Variants in GPC3 observed in about 807,000 individuals in gnomAD.
GPC3 encodes the protein glypican 3.
GPC3 carries 3 observed loss-of-function variants against 34.4 expected under a neutral mutation model. That is an observed-to-expected ratio of 0.09 (90% CI 0.04 to 0.23). GPC3 has a LOEUF of 0.23. Among genes scored for constraint, GPC3 ranks in the 10% least tolerant of loss-of-function variants. The pLI is 1.00. For missense variants in GPC3, 351 were observed against 445.6 expected (o/e 0.79, Z 1.91); for synonymous variants, 177 against 174.0 (o/e 1.02, Z -0.13).
chrX:133,772,017 A>T (rs1359464362), intron 2 of GPC3, among the ~76,000 whole-genome samples: 2 of 111,642 alleles, frequency 1.8e-5, no homozygotes, highest in Non-Finnish European at 3.8e-5. Context: ...AGACGCTGAC[A>T]AATTCCAATA....
At chrX:133,955,319 C>T (rs930495487) in intron 1 of GPC3, among the ~76,000 whole-genome samples, 2 of 111,158 alleles carry the variant, frequency 1.8e-5, no homozygotes, top group East Asian at 2.8e-4. Context: ...TTTCTTAAAA[C>T]GGCACTGCAG....
chrX:133,874,295 T>C (rs2124577931), intron 2 of GPC3, among the ~76,000 whole-genome samples: 1 of 112,178 alleles, frequency 8.9e-6, no homozygotes, highest in African/African-American at 3.2e-5. Flanking sequence ...TCTGTTTGGT[T>C]TGACCAATAA....
At chrX:133,668,064 G>A (rs2070786388) in intron 5 of GPC3, among the ~76,000 whole-genome samples, 1 of 107,356 alleles carries the variant, frequency 9.3e-6, no homozygotes, top group Admixed American at 1.0e-4. Context: ...CACCACACCT[G>A]GCTAATTTTT....
intron 7 of GPC3, among the ~76,000 whole-genome samples, chrX:133,581,808 A>T (rs1265796064): frequency 8.9e-6 from 1 of 112,612 alleles, no homozygotes; most frequent in African/African-American, 3.2e-5. Flanking sequence ...ACTTCACTCC[A>T]TCAGTGATAG....
At chrX:133,845,979 G>C (rs1156418328) in intron 2 of GPC3, among the ~76,000 whole-genome samples, 1 of 111,627 alleles carries the variant, frequency 9.0e-6, no homozygotes, top group Non-Finnish European at 1.9e-5. Context: ...AGATGATGGT[G>C]GGAAAGAAGT....
chrX:133,659,750 C>T (rs1463677863), intron 6 of GPC3, among the ~76,000 whole-genome samples: 1 of 111,710 alleles, frequency 9.0e-6, no homozygotes, highest in Non-Finnish European at 1.9e-5. Context: ...CAATATTCCT[C>T]ATTTAGAATT....
intron 2 of GPC3, among the ~76,000 whole-genome samples, chrX:133,868,470 G>C (rs2124573234): frequency 8.9e-6 from 1 of 112,466 alleles, no homozygotes; most frequent in South Asian, 3.7e-4. Flanking sequence ...CTATGGGCAA[G>C]GCACTGGAAC....
intron 7 of GPC3, among the ~76,000 whole-genome samples, chrX:133,554,020 C>CT (rs375065106): frequency 7.6e-4 from 72 of 94,747 alleles, no homozygotes; most frequent in Middle Eastern, 5.2e-3. Context: ...CTCTCTCTCT[C>CT]TTTTTTTTTT....
intron 5 of GPC3, among the ~76,000 whole-genome samples, chrX:133,664,999 T>C (rs1376289318): frequency 9.0e-6 from 1 of 111,475 alleles, no homozygotes; most frequent in African/African-American, 3.3e-5. Flanking sequence ...CACATGGAAA[T>C]GCCTTGTTCT....
chrX:133,840,078 G>A (rs182529985), intron 2 of GPC3, among the ~76,000 whole-genome samples: 16 of 110,999 alleles, frequency 1.4e-4, no homozygotes, highest in East Asian at 1.1e-3. Context: ...ATTCTAGTTC[G>A]AGCTCTATCA....
At chrX:133,547,479 T>C (rs1325533698) in intron 7 of GPC3, among the ~76,000 whole-genome samples, 1 of 110,877 alleles carries the variant, frequency 9.0e-6, no homozygotes, top group Non-Finnish European at 1.9e-5. Context: ...TACCAAAGCA[T>C]CCATGCCAAA....
intron 7 of GPC3, among the ~76,000 whole-genome samples, chrX:133,581,878 A>AT (rs913074846): frequency 7.1e-5 from 8 of 112,552 alleles, no homozygotes; most frequent in Non-Finnish European, 1.3e-4. Context: ...TATTTCTTCA[A>AT]TTTTTTTGTG....
chrX:133,553,477 A>G (rs1302559905), intron 7 of GPC3, among the ~76,000 whole-genome samples: 1 of 112,465 alleles, frequency 8.9e-6, no homozygotes, highest in Non-Finnish European at 1.9e-5. Context: ...AAAAATAAGT[A>G]AAACAACTAA....
chrX:133,931,445 G>A, intron 2 of GPC3, among the ~76,000 whole-genome samples: 1 of 110,967 alleles, frequency 9.0e-6, no homozygotes. Context: ...TGAAACCAGG[G>A]CAGTGATAAC....
At chrX:133,739,227 G>T (rs2071541397) in intron 3 of GPC3, among the ~76,000 whole-genome samples, 1 of 111,077 alleles carries the variant, frequency 9.0e-6, no homozygotes, top group Admixed American at 9.6e-5. Flanking sequence ...TATTTGTGTT[G>T]GCAGCTCCTG....
intron 5 of GPC3, among the ~76,000 whole-genome samples, chrX:133,668,574 A>G (rs778350541): frequency 1.0e-4 from 11 of 109,640 alleles, no homozygotes; most frequent in African/African-American, 3.6e-4. Flanking sequence ...TAAATCACCC[A>G]AAGCACCTCA....
chrX:133,606,102 C>G (rs2070048247), intron 6 of GPC3, among the ~76,000 whole-genome samples: 1 of 111,971 alleles, frequency 8.9e-6, no homozygotes, highest in African/African-American at 3.2e-5. Flanking sequence ...AATATGTCCC[C>G]CTGTTAAATG....
chrX:133,974,539 ACTTTCT>A (rs780865687), intron 1 of GPC3, among the ~76,000 whole-genome samples: 11 of 111,029 alleles, frequency 9.9e-5, no homozygotes, highest in Non-Finnish European at 2.1e-4. Context: ...ATATACTCAT[ACTTTCT>A]CTTAATCAAG....
intron 2 of GPC3, among the ~76,000 whole-genome samples, chrX:133,856,055 T>C (rs1383005297): frequency 1.8e-5 from 2 of 112,106 alleles, no homozygotes; most frequent in African/African-American, 6.5e-5. Context: ...ATCTTGGCTA[T>C]TGTGATAATA....
Sources: gnomAD v4.1 joint callset for allele counts (sites outside exome capture counted in the v4.1 genomes callset) on GRCh38, gnomAD v4.1.1 for gene constraint, MANE v1.5 for transcripts, NCBI Gene and HGNC (gene_info 2026-07-23, HGNC 2026-07-21) for gene names.